Variants in CDH23 observed in about 807,000 individuals in gnomAD.
CDH23 encodes the protein cadherin related 23, also known as cadherin-23.
A neutral mutation model predicts 317.1 loss-of-function variants in CDH23; 189 were observed. The ratio of observed to expected loss-of-function variants is 0.60; its 90% CI spans 0.53 to 0.67. The LOEUF is 0.67. Ranked by LOEUF, CDH23 falls within the 30% of genes least tolerant of loss-of-function variation. The pLI, the probability that CDH23 is intolerant of heterozygous loss-of-function variation, is 0.00. For synonymous variants in CDH23, 1,839 were observed against 1,876.8 expected, an observed-to-expected ratio of 0.98 and a Z score of 0.52; for missense variants, 4,401 against 4,592.4, an observed-to-expected ratio of 0.96 and a Z score of 1.20.
intron 30 of CDH23, among the ~76,000 whole-genome samples, chr10:71,726,301 G>A (rs979097509): frequency 5.3e-5 from 8 of 152,084 alleles, no homozygotes; most frequent in Non-Finnish European, 1.2e-4. Flanking sequence ...AGAGCAAGCA[G>A]GGACTTTCAC....
intron 3 of CDH23, among the ~76,000 whole-genome samples, chr10:71,465,687 T>C (rs1851217115): frequency 6.6e-6 from 1 of 152,250 alleles, no homozygotes; most frequent in Non-Finnish European, 1.5e-5. Context: ...TCCCCACAGC[T>C]ACTATGAATT....
At chr10:71,474,333 T>A (rs186125570) in intron 3 of CDH23, among the ~76,000 whole-genome samples, 366 of 152,342 alleles carry the variant, frequency 2.4e-3, no homozygotes, top group Non-Finnish European at 4.3e-3. Context: ...TTCCTTTTTA[T>A]TAGGGTACCA....
At position 71,566,762 on chromosome 10, in the gene CDH23, C is replaced by T. The variant is rs2132358125; in HGVS notation, c.450C>T (p.Pro150=). ...RIPENTPVGT[P]IFIVNATDPD... is the part of the protein sequence containing the mutation. ...CCCAGAATACACCAGTGGGGACGCC[C>T]ATCTTCATCGTGAATGCCACAGACC... The change falls in exon 7 of 70, where the codon CCC becomes CCT. Residue 150 remains proline, a synonymous_variant. Coordinates refer to ENST00000224721, the MANE Select transcript of CDH23 (RefSeq NM_022124.6). 1 of 1,608,058 alleles carries T rather than the reference C, an allele frequency of 6.2e-7. No homozygotes were observed. The highest frequency in any genetic ancestry group is 8.5e-7 in the Non-Finnish European group (1 of 1,175,508).
At chr10:71,750,376 G>A (rs536470321) in intron 38 of CDH23, 1 of 152,368 alleles carries the variant, frequency 6.6e-6, no homozygotes, top group East Asian at 1.9e-4. Flanking sequence ...GTGTCCCAGG[G>A]TGGACAAGAC....
chr10:71,702,011 C>T lies in CDH23; in HGVS notation c.2398-11C>T, dbSNP rs1439404304. On this transcript the variant is annotated splice_polypyrimidine_tract_variant and intron_variant, in intron 22 of 69. Coordinates refer to ENST00000224721, the MANE Select transcript of CDH23 (RefSeq NM_022124.6). ...GCGGCTCAGTGAAGGGGTCTGCTCC[C>T]TCCCGGGCAGGTGGTGGCTGTTGAC... 1.2e-6 allele frequency: 2 copies of T among 1,613,384 alleles called. No individual in the cohort carries two copies. The highest frequency in any genetic ancestry group is 1.7e-6 in the Non-Finnish European group (2 of 1,179,828).
intron 14 of CDH23, among the ~76,000 whole-genome samples, chr10:71,653,631 G>A (rs1278681072): frequency 6.6e-6 from 1 of 152,238 alleles, no homozygotes; most frequent in Non-Finnish European, 1.5e-5. Flanking sequence ...ATCTGTGGAA[G>A]CCTCTCAGCT....
rs770531815 is a variant in CDH23, at chr10:71,799,316, G to A, written c.7224+36G>A. ...AGGCCACAGGCTGGGTCCAGGACCTGCGCCCATTCCTTGGGGTCTTTGGGC... is the reference window on the plus strand; with the variant it reads ...AGGCCACAGGCTGGGTCCAGGACCTACGCCCATTCCTTGGGGTCTTTGGGC... On this transcript the variant is annotated intron_variant, in intron 51 of 69. Transcript: ENST00000224721. 3.1e-5 allele frequency: 50 copies of A among 1,613,592 alleles called. No individual in the cohort carries two copies. The East Asian group carries it at 1.1e-3, about 34-fold the overall frequency.
chr10:71,693,466 C>G (rs1478696582), intron 20 of CDH23, among the ~76,000 whole-genome samples: 1 of 152,146 alleles, frequency 6.6e-6, no homozygotes, highest in Non-Finnish European at 1.5e-5. Flanking sequence ...ATGCTCTTCA[C>G]AATGTAATTA....
chr10:71,654,615 G>A (rs566242329), intron 14 of CDH23, among the ~76,000 whole-genome samples: 1 of 152,318 alleles, frequency 6.6e-6, no homozygotes, highest in South Asian at 2.1e-4. Flanking sequence ...GCTGGAGTCT[G>A]GAAACAGAGG....
At chr10:71,439,705 T>G in intron 1 of CDH23, 122 bp from the exon 2 acceptor site, 3 of 686,600 alleles carry the variant, frequency 4.4e-6, no homozygotes, top group Non-Finnish European at 7.6e-6. Flanking sequence ...TCTGGGTTGA[T>G]TCCTTCTCCT....
At chr10:71,594,530 C>T (rs1183782808) in intron 9 of CDH23, among the ~76,000 whole-genome samples, 2 of 152,192 alleles carry the variant, frequency 1.3e-5, no homozygotes. Context: ...TGCACCACCA[C>T]ACCTGGCTAA....
intron 14 of CDH23, among the ~76,000 whole-genome samples, chr10:71,651,051 T>G (rs114150686): frequency 4.6e-5 from 7 of 152,352 alleles, no homozygotes; most frequent in African/African-American, 1.4e-4. Flanking sequence ...TTTATAGTCT[T>G]CCAGGAAAAC....
chr10:71,702,086 A>G lies in CDH23; in HGVS notation c.2462A>G (p.Asn821Ser), dbSNP rs774080275. ...GTLVYSIQPPNKFYSLNSTTG... is the reference protein window; with the variant it reads ...GTLVYSIQPPSKFYSLNSTTG... ...CTGGTGTACAGCATCCAGCCACCCA[A>G]CAAGTTCTACAGCCTCAACAGCACC... Residue 821 changes from asparagine to serine, a missense_variant, in exon 23 of 70, where the codon AAC (asparagine) becomes AGC (serine). By Grantham distance (46) the Asn-to-Ser change is conservative. Coordinates refer to ENST00000224721, the MANE Select transcript of CDH23 (RefSeq NM_022124.6). The G allele has an allele frequency of 3.1e-6, 5 of 1,613,946 alleles. No individual in the cohort carries two copies. The East Asian group carries it at 8.9e-5, about 29-fold the overall frequency.
At chr10:71,432,700 A>G (rs1849451701) in intron 1 of CDH23, among the ~76,000 whole-genome samples, 1 of 152,132 alleles carries the variant, frequency 6.6e-6, no homozygotes, top group African/African-American at 2.4e-5. Context: ...CTGCAGGCAG[A>G]GCATGAGGGA....
chr10:71,554,004 A>C (rs1204233714), intron 6 of CDH23, among the ~76,000 whole-genome samples: 1 of 152,170 alleles, frequency 6.6e-6, no homozygotes, highest in African/African-American at 2.4e-5. Flanking sequence ...TCTGCAAAGC[A>C]CTTTGCAGTT....
intron 38 of CDH23, chr10:71,761,852 C>T (rs746223877): frequency 1.2e-5 from 20 of 1,614,112 alleles, no homozygotes; most frequent in Admixed American, 1.7e-5. Flanking sequence ...GATGGGCCGG[C>T]GCTCTGAGCA....
chr10:71,812,599 C>G lies in CDH23; in HGVS notation c.9500C>G (p.Thr3167Arg). ...ATCGCCGACCTGTGGAACAGCCCCA[C>G]GCGCACCCATGTGAGCCAGAGGCGG... is the stretch of plus-strand genomic sequence containing the variant. ...SEIADLWNSP[T>R]RTHGTFGREP... The change falls in exon 67 of 70, where the codon ACG becomes AGG. Residue 3167 changes from threonine (T) to arginine (R), a missense_variant. Transcript: ENST00000224721. The G allele has an allele frequency of 6.2e-7, 1 of 1,613,958 alleles. No individual in the cohort carries two copies. Among genetic ancestry groups the G allele is most frequent in the Non-Finnish European group, 8.5e-7 (1 of 1,179,896 alleles).
At chr10:71,704,067 C>T (rs1865689335) in intron 24 of CDH23, among the ~76,000 whole-genome samples, 1 of 152,158 alleles carries the variant, frequency 6.6e-6, no homozygotes, top group African/African-American at 2.4e-5. Context: ...GGGGGTAGAG[C>T]TGTGCGCAAG....
At chr10:71,696,782 A>AT (rs1235687844) in intron 22 of CDH23, among the ~76,000 whole-genome samples, 3 of 152,102 alleles carry the variant, frequency 2.0e-5, no homozygotes, top group South Asian at 2.1e-4. Context: ...GGAATCTGCG[A>AT]TTTTTTTCAA....
Sources: allele counts gnomAD v4.1 joint callset (sites outside exome capture counted in the v4.1 genomes callset), GRCh38; gene constraint gnomAD v4.1.1; transcripts MANE v1.5; gene names NCBI Gene and HGNC (gene_info 2026-07-23, HGNC 2026-07-21).